Variants in TMPRSS7 observed in about 807,000 individuals in gnomAD.
The protein encoded by TMPRSS7 is transmembrane serine protease 7, also known as transmembrane protease serine 7.
In TMPRSS7, 81 loss-of-function variants were observed where a neutral mutation model predicts 95.6. The observed-to-expected ratio is 0.85, with a 90% CI of 0.71 to 1.02. The LOEUF (loss-of-function observed/expected upper bound fraction) is 1.02. Ranked by LOEUF, TMPRSS7 falls within the 50% of genes least tolerant of loss-of-function variation. TMPRSS7 has a pLI of 0.00. For synonymous variants in TMPRSS7, 364 were observed against 337.8 expected (o/e 1.08, Z -0.85); for missense variants, 945 against 955.2 (o/e 0.99, Z 0.14).
intron 13 of TMPRSS7, among the ~76,000 whole-genome samples, chr3:112,069,048 G>T (rs2073610652): frequency 6.6e-6 from 1 of 152,086 alleles, no homozygotes; most frequent in Non-Finnish European, 1.5e-5. Flanking sequence ...GTTGAATTTT[G>T]TCAAAGGCCT....
At chr3:112,074,491 G>C in intron 14 of TMPRSS7, 79 bp downstream of exon 14, 2 of 1,095,430 alleles carry the variant, frequency 1.8e-6, no homozygotes, top group Non-Finnish European at 2.7e-6. Context: ...TTCCCTTCTT[G>C]GTGTATTTCC....
At chr3:112,054,888 C>T (rs1453988310) in intron 9 of TMPRSS7, among the ~76,000 whole-genome samples, 1 of 151,608 alleles carries the variant, frequency 6.6e-6, no homozygotes, top group African/African-American at 2.4e-5. Flanking sequence ...TACAGGCGCC[C>T]GCCACCAAGT....
intron 1 of TMPRSS7, among the ~76,000 whole-genome samples, chr3:112,036,487 G>C (rs1425554104): frequency 6.6e-6 from 1 of 151,344 alleles, no homozygotes; most frequent in Non-Finnish European, 1.5e-5. Context: ...GGAATCGCTG[G>C]AACCCATGAG....
At chr3:112,046,590 G>T (rs2073282096) in intron 5 of TMPRSS7, among the ~76,000 whole-genome samples, 1 of 151,934 alleles carries the variant, frequency 6.6e-6, no homozygotes, top group African/African-American at 2.4e-5. Context: ...GTTAAATAAA[G>T]GAAAAATCTC....
At chr3:112,037,712 G>A (rs975933122) in intron 1 of TMPRSS7, among the ~76,000 whole-genome samples, 13 of 152,020 alleles carry the variant, frequency 8.6e-5, no homozygotes, top group African/African-American at 2.2e-4. Context: ...TGTCTTCCCC[G>A]GACACCCAGC....
chr3:112,062,465 T>A (rs2073521127), intron 11 of TMPRSS7, among the ~76,000 whole-genome samples: 1 of 152,098 alleles, frequency 6.6e-6, no homozygotes, highest in African/African-American at 2.4e-5. Flanking sequence ...AGGGAAGTCA[T>A]TAGAACTACA....
intron 9 of TMPRSS7, among the ~76,000 whole-genome samples, chr3:112,051,695 C>T (rs1244095642): frequency 7.5e-6 from 1 of 132,574 alleles, no homozygotes; most frequent in Non-Finnish European, 1.7e-5. Context: ...ATCTATCTAT[C>T]TCTATTACCT....
At chr3:112,059,737 A>T (rs1458018931) in intron 10 of TMPRSS7, among the ~76,000 whole-genome samples, 1 of 152,216 alleles carries the variant, frequency 6.6e-6, no homozygotes, top group Non-Finnish European at 1.5e-5. Context: ...CTAACAGGTT[A>T]TCAGTTCCTG....
At position 112,079,040 on chromosome 3, in the gene TMPRSS7, G is replaced by A. The variant is rs771494665; in HGVS notation, c.2361+162G>A. ...TCATCCAATTGCCTAAGATCTTGGA[G>A]AGGTGTTGAAATAATTTATTCTATA... On this transcript the variant is annotated intron_variant, in intron 17 of 17. Transcript: ENST00000452346. Among the ~76,000 whole-genome samples the A allele has an allele frequency of 3.3e-5, 5 of 152,240 alleles. No individual in the cohort carries two copies. In the East Asian group the frequency reaches 5.8e-4, roughly 18 times the overall value.
chr3:112,066,358 C>T, intron 12 of TMPRSS7, 34 bp from the exon 13 acceptor site: 2 of 1,595,348 alleles, frequency 1.3e-6, no homozygotes, highest in African/African-American at 2.7e-5. Context: ...GTGTCTCAGG[C>T]TCGTGAACTT....
chr3:112,043,951 G>T (rs764260607), intron 3 of TMPRSS7, among the ~76,000 whole-genome samples: 4 of 152,242 alleles, frequency 2.6e-5, no homozygotes, highest in Non-Finnish European at 5.9e-5. Context: ...TTTGTTAACT[G>T]TGGGGAAAAT....
chr3:112,044,468 C>A, intron 4 of TMPRSS7, 146 bp downstream of exon 4: 1 of 679,104 alleles, frequency 1.5e-6, no homozygotes, highest in Non-Finnish European at 2.6e-6. Context: ...ACTAGCGACT[C>A]AACTCACTGC....
intron 15 of TMPRSS7, among the ~76,000 whole-genome samples, chr3:112,076,059 A>G (rs893963945): frequency 6.6e-6 from 1 of 152,194 alleles, no homozygotes; most frequent in Non-Finnish European, 1.5e-5. Context: ...ATAGCTTCAC[A>G]TCTGTTTGAT....
At chr3:112,048,660 T>G (rs1702638725) in intron 7 of TMPRSS7, among the ~76,000 whole-genome samples, 1 of 152,222 alleles carries the variant, frequency 6.6e-6, no homozygotes, top group Admixed American at 6.5e-5. Context: ...TCTATGGATG[T>G]ATGCAACAAT....
exon 18 of TMPRSS7, chr3:112,080,995 G>C: frequency 6.2e-7 from 1 of 1,613,932 alleles, no homozygotes; most frequent in South Asian, 1.1e-5. Flanking sequence ...CTGGGGACAT[G>C]GAAGTGGACG....
chr3:112,060,642 G>A (rs2073490954), intron 10 of TMPRSS7, among the ~76,000 whole-genome samples: 1 of 152,206 alleles, frequency 6.6e-6, no homozygotes, highest in Non-Finnish European at 1.5e-5. Flanking sequence ...GAACATTGCT[G>A]TTATCCTGTT....
At chr3:112,066,309 C>A in intron 12 of TMPRSS7, 83 bp from the exon 13 acceptor site, 1 of 1,178,352 alleles carries the variant, frequency 8.5e-7, no homozygotes, top group Non-Finnish European at 1.2e-6. Context: ...TGATTTGTAC[C>A]TTGAGACTGG....
chr3:112,051,443 T>A (rs757903585), intron 9 of TMPRSS7, among the ~76,000 whole-genome samples: 7 of 152,050 alleles, frequency 4.6e-5, no homozygotes, highest in Non-Finnish European at 8.8e-5. Context: ...GAACCAATCC[T>A]CCACAGATAC....
intron 16 of TMPRSS7, among the ~76,000 whole-genome samples, chr3:112,078,523 C>T (rs554299348): frequency 7.9e-5 from 12 of 152,282 alleles, no homozygotes; most frequent in African/African-American, 2.9e-4. Flanking sequence ...GGGTCTGAAT[C>T]TTGTGTTACT....
Sources: gnomAD v4.1 joint callset for allele counts (sites outside exome capture counted in the v4.1 genomes callset) on GRCh38, gnomAD v4.1.1 for gene constraint, MANE v1.5 for transcripts, NCBI Gene and HGNC (gene_info 2026-07-23, HGNC 2026-07-21) for gene names.